KANSL1: variants seen among roughly 807,000 people sequenced by gnomAD.
The protein encoded by KANSL1 is MLL1/MLL complex subunit KANSL1.
Under a neutral mutation model 103.6 loss-of-function variants are expected in KANSL1, and 22 were observed. The ratio of observed to expected loss-of-function variants is 0.21; its 90% confidence interval spans 0.15 to 0.30. The LOEUF is 0.30. Among genes scored for constraint, KANSL1 ranks in the 10% least tolerant of loss-of-function variants. The pLI is 1.00. For missense variants in KANSL1, 1,337 were observed against 1,399.8 expected (o/e 0.96, Z 0.72); for synonymous variants, 600 against 527.6 (o/e 1.14, Z -1.88).
At chr17:46,126,501 G>A (rs528920264) in intron 2 of KANSL1, among the ~76,000 whole-genome samples, 6 of 151,398 alleles carry the variant, frequency 4.0e-5, no homozygotes, top group African/African-American at 1.4e-4. Flanking sequence ...CAATCTTTAT[G>A]ACAAACATGT....
chr17:46,095,362 G>C (rs1257623296), intron 2 of KANSL1, among the ~76,000 whole-genome samples: 3 of 152,118 alleles, frequency 2.0e-5, no homozygotes, highest in African/African-American at 7.2e-5. Flanking sequence ...AGGACCAACA[G>C]CAAGAAATTT....
intron 2 of KANSL1, among the ~76,000 whole-genome samples, chr17:46,101,542 G>A (rs547814165): frequency 1.1e-4 from 16 of 152,126 alleles, no homozygotes; most frequent in Admixed American, 3.9e-4. Context: ...ACAAGATAAG[G>A]AGTCTGAGAT....
At chr17:46,192,558 G>C (rs572387654) in intron 1 of KANSL1, 9 of 152,996 alleles carry the variant, frequency 5.9e-5, no homozygotes, top group Non-Finnish European at 1.3e-4. Flanking sequence ...TTTTTAAATA[G>C]AACGCCAAAG....
At chr17:46,187,141 A>G (rs2047073428) in intron 1 of KANSL1, among the ~76,000 whole-genome samples, 1 of 152,194 alleles carries the variant, frequency 6.6e-6, no homozygotes, top group African/African-American at 2.4e-5. Flanking sequence ...AGGTGCTAAC[A>G]AACAGTCACA....
chr17:46,146,897 C>CTT (rs1476973997), intron 2 of KANSL1, among the ~76,000 whole-genome samples: 3 of 144,436 alleles, frequency 2.1e-5, no homozygotes, highest in African/African-American at 7.7e-5. Context: ...TTAGATGTTT[C>CTT]TTTTTTTGGA....
intron 2 of KANSL1, among the ~76,000 whole-genome samples, chr17:46,168,531 G>C (rs1040198558): frequency 6.6e-6 from 1 of 152,136 alleles, no homozygotes; most frequent in African/African-American, 2.4e-5. Flanking sequence ...ATTTTTAGTA[G>C]AGACGGGGTT....
Position 46,030,839 on chromosome 17 carries a change from A to C in KANSL1, c.*637T>G, listed in dbSNP as rs886053066. 6.5e-6 allele frequency: 1 copy of C among 152,740 alleles called. No individual in the cohort carries two copies. Among genetic ancestry groups the C allele is most frequent in the Non-Finnish European group, 1.5e-5 (1 of 68,446 alleles). 9.5% of individuals were successfully genotyped at this position (152,740 alleles called of 1,614,324 possible). On this transcript the variant is annotated 3_prime_UTR_variant, in exon 15 of 15. Transcript: ENST00000432791. ...CACAGCCAGGTTACTGCAGTGAAAG[A>C]GTCAAAACAGAGAAGACCAAATGCA...
chr17:46,033,014 G>T, intron 13 of KANSL1, 66 bp downstream of exon 13: 1 of 1,277,172 alleles, frequency 7.8e-7, no homozygotes, highest in Non-Finnish European at 1.1e-6. Flanking sequence ...ATGGACTCAA[G>T]TAGGGCCCAA....
At chr17:46,126,033 T>C (rs960803013) in intron 2 of KANSL1, among the ~76,000 whole-genome samples, 13 of 152,302 alleles carry the variant, frequency 8.5e-5, no homozygotes, top group Admixed American at 5.9e-4. Context: ...TCAGTACCAG[T>C]AGGAATTCAA....
upstream of KANSL1, among the ~76,000 whole-genome samples, chr17:46,198,391 C>T (rs536552651): frequency 7.6e-5 from 11 of 144,388 alleles, no homozygotes; most frequent in African/African-American, 2.9e-4. Flanking sequence ...CTTCAAACAC[C>T]TATCTACTTA....
intron 7 of KANSL1, chr17:46,042,192 A>T (rs1323902392): frequency 1.3e-5 from 2 of 152,376 alleles, no homozygotes; most frequent in East Asian, 3.8e-4. Flanking sequence ...GGCGTGAGCC[A>T]CTGCACCCGG....
intron 2 of KANSL1, among the ~76,000 whole-genome samples, chr17:46,144,707 G>T (rs1259837752): frequency 6.6e-6 from 1 of 151,708 alleles, no homozygotes; most frequent in African/African-American, 2.4e-5. Context: ...AATGTAATGG[G>T]ATTAAGATCC....
chr17:46,078,812 C>CA (rs1555751733), intron 4 of KANSL1, among the ~76,000 whole-genome samples: 1 of 152,196 alleles, frequency 6.6e-6, no homozygotes, highest in Non-Finnish European at 1.5e-5. Flanking sequence ...AGGCATGTTT[C>CA]AATACACTAG....
At chr17:46,169,399 AG>A (rs1463796548) in intron 2 of KANSL1, 1 of 152,266 alleles carries the variant, frequency 6.6e-6, no homozygotes, top group East Asian at 1.9e-4. Flanking sequence ...CCTTCAAAAT[AG>A]AAAAAAAAAG....
At position 46,172,043 on chromosome 17, in the gene KANSL1, G is replaced by T; in HGVS notation, c.101C>A (p.Ala34Asp). 6.2e-7 allele frequency: 1 copy of T among 1,614,242 alleles called. No homozygotes were observed. Among genetic ancestry groups the T allele is most frequent in the Non-Finnish European group, 8.5e-7 (1 of 1,180,050 alleles). Reference sequence around the variant, plus strand: ...GATGTTGGCGTTGCCGTTATTTTCGGCACTGCCAGGGGACAAGGTAGAGGA... The same window carrying T: ...GATGTTGGCGTTGCCGTTATTTTCGTCACTGCCAGGGGACAAGGTAGAGGA... ...PPSSTLSPGSAENNGNANILI... is the reference protein window; with the variant it reads ...PPSSTLSPGSDENNGNANILI... The change falls in exon 2 of 15, where the codon GCC (alanine) becomes GAC (aspartate). Residue 34 changes from alanine to aspartate, a missense_variant. Around this residue, in one of 2 missense-constraint regions of KANSL1, gnomAD observed 557 missense variants for 476.4 expected, o/e 1.17. Transcript: ENST00000432791.
chr17:46,132,760 T>C (rs2043927478), intron 2 of KANSL1, among the ~76,000 whole-genome samples: 1 of 152,112 alleles, frequency 6.6e-6, no homozygotes, highest in South Asian at 2.1e-4. Context: ...CCACGTAATA[T>C]AGTTAGACCC....
intron 7 of KANSL1, among the ~76,000 whole-genome samples, chr17:46,046,528 CAAAAAAAA>C (rs58711350): frequency 8.1e-4 from 27 of 33,172 alleles, no homozygotes; most frequent in African/African-American, 4.1e-3. Context: ...GAGACTCTGT[CAAAAAAAA>C]AAAAAAAAAA....
At position 46,031,491 on chromosome 17, in the gene KANSL1, G is replaced by A; in HGVS notation, c.3303C>T (p.Arg1101=). 2 of 1,611,552 alleles carry A rather than the reference G, an allele frequency of 1.2e-6. No homozygotes were observed. Among genetic ancestry groups the A allele is most frequent in the Non-Finnish European group, 8.5e-7 (1 of 1,178,554 alleles). Residue 1101 remains arginine (R), a synonymous_variant, in exon 15 of 15, where the codon CGC becomes CGT. Coordinates refer to ENST00000432791, the MANE Select transcript of KANSL1 (RefSeq NM_015443.4). The part of the protein sequence containing the change: ...RHLVAAATAQ[R]PTHR ...TGTCTCCCGCTCATCTGTGAGTCGG[G>A]CGCTGAGCTGTGGCTGCTGCCACCA...
chr17:46,170,591 A>G (rs1207882989), intron 2 of KANSL1: 5 of 488,510 alleles, frequency 1.0e-5, no homozygotes, highest in Admixed American at 3.7e-5. Flanking sequence ...AATTTTACAC[A>G]TAAGATGTCT....
Sources: gnomAD v4.1 joint callset for allele counts (sites outside exome capture counted in the v4.1 genomes callset) on GRCh38, gnomAD v4.1.1 for gene constraint, gnomAD v4.1.1 regional missense constraint, MANE v1.5 for transcripts, NCBI Gene and HGNC (gene_info 2026-07-23, HGNC 2026-07-21) for gene names.